Variants in ASCC2 observed in about 807,000 individuals in gnomAD.
The protein encoded by ASCC2 is activating signal cointegrator 1 complex subunit 2.
In ASCC2, 42 loss-of-function variants were observed where a neutral mutation model predicts 93.5. That is an observed-to-expected ratio of 0.45 (90% CI 0.35 to 0.58). The LOEUF is 0.58. ASCC2 is among the 20% of genes least tolerant of loss of function. The pLI, the probability that ASCC2 is intolerant of heterozygous loss-of-function variation, is 0.00. For missense variants in ASCC2, 859 were observed against 977.6 expected (o/e 0.88, Z 1.62); for synonymous variants, 364 against 384.2 (o/e 0.95, Z 0.62).
intron 5 of ASCC2, among the ~76,000 whole-genome samples, chr22:29,819,064 G>A (rs1027576449): frequency 1.3e-5 from 2 of 152,194 alleles, no homozygotes; most frequent in Non-Finnish European, 2.9e-5. Flanking sequence ...AGCTCCTGGA[G>A]GCTCCGCGGT....
At chr22:29,799,582 C>T (rs2058834718) in intron 15 of ASCC2, among the ~76,000 whole-genome samples, 1 of 152,228 alleles carries the variant, frequency 6.6e-6, no homozygotes, top group African/African-American at 2.4e-5. Flanking sequence ...TCCTCCCTCT[C>T]TGAACCTCAC....
intron 2 of ASCC2, chr22:29,826,039 ACT>A (rs1392096467): frequency 1.3e-5 from 5 of 371,322 alleles, no homozygotes; most frequent in African/African-American, 2.1e-5. Flanking sequence ...AGGATACAAA[ACT>A]CTCTGTTTAA....
At chr22:29,794,678 C>T (rs917477806) in intron 15 of ASCC2, among the ~76,000 whole-genome samples, 2 of 152,126 alleles carry the variant, frequency 1.3e-5, no homozygotes, top group African/African-American at 4.8e-5. Context: ...AGTGAAAGAG[C>T]CAAATGAACT....
At position 29,793,599 on chromosome 22, in the gene ASCC2, T is replaced by C; in HGVS notation, c.1766A>G (p.Gln589Arg). ...AVAAQRQRYEQYSVVVEEVPL... is the reference protein window; with the variant it reads ...AVAAQRQRYERYSVVVEEVPL... ...TACCTCCTCCACCACCACGCTGTAC[T>C]GCTCGTAGCGCTGCCGCTGTGCCGC... Residue 589 changes from glutamine to arginine, a missense_variant, in exon 16 of 20, where the codon CAG becomes CGG. Gln to Arg is a conservative substitution (Grantham distance 43). Transcript: ENST00000307790. 6.2e-7 allele frequency: 1 copy of C among 1,611,308 alleles called. No homozygotes were observed. The highest frequency in any genetic ancestry group is 8.5e-7 in the Non-Finnish European group (1 of 1,179,108).
At chr22:29,822,622 C>CTT (rs904304975) in intron 4 of ASCC2, among the ~76,000 whole-genome samples, 158 bp from the exon 5 acceptor site, 2 of 136,680 alleles carry the variant, frequency 1.5e-5, no homozygotes, top group Admixed American at 7.3e-5. Flanking sequence ...TCCCCCCGCC[C>CTT]TTTTTTTTTT....
intron 18 of ASCC2, 82 bp from the exon 19 acceptor site, chr22:29,790,630 A>T: frequency 7.0e-7 from 1 of 1,422,518 alleles, no homozygotes; most frequent in Non-Finnish European, 9.9e-7. Flanking sequence ...GCTCAAGTGA[A>T]GCTTGTCGAT....
At chr22:29,815,798 T>G (rs1264541467) in intron 6 of ASCC2, among the ~76,000 whole-genome samples, 1 of 152,198 alleles carries the variant, frequency 6.6e-6, no homozygotes, top group Non-Finnish European at 1.5e-5. Context: ...CAGCCAGCCC[T>G]TAGGCTTAAG....
chr22:29,813,845 A>G (rs1357054750), intron 7 of ASCC2, among the ~76,000 whole-genome samples: 1 of 152,210 alleles, frequency 6.6e-6, no homozygotes, highest in Non-Finnish European at 1.5e-5. Context: ...AAGGAAAACC[A>G]ACTCTTGAAT....
At chr22:29,809,065 A>C (rs1173505228) in intron 8 of ASCC2, among the ~76,000 whole-genome samples, 1 of 149,806 alleles carries the variant, frequency 6.7e-6, no homozygotes, top group Non-Finnish European at 1.5e-5. Flanking sequence ...GGTTGCAGTG[A>C]GCCAAGATCG....
chr22:29,826,095 T>C (rs1043729880), intron 2 of ASCC2: 7 of 218,000 alleles, frequency 3.2e-5, no homozygotes, highest in Non-Finnish European at 6.4e-5. Context: ...AGGCAAAAGA[T>C]TTATTTGTTA....
chr22:29,804,651 G>A lies in ASCC2; in HGVS notation c.1340C>T (p.Ser447Leu), dbSNP rs769624519. ...TCAGACACATACCTCCTCTTCCTCCGAGTTCTCCGGATGTGATGATGCTTG... is the reference window on the plus strand; with the variant it reads ...TCAGACACATACCTCCTCTTCCTCCAAGTTCTCCGGATGTGATGATGCTTG... ...VSQASSHPENSEEEECMGAAA... is the reference protein window; with the variant it reads ...VSQASSHPENLEEEECMGAAA... The change falls in exon 13 of 20, where the codon TCG (serine) becomes TTG (leucine). Residue 447 changes from serine (S) to leucine (L), a missense_variant. Physicochemically the swap from Ser to Leu is moderately radical, Grantham distance 145. Transcript: ENST00000307790. 6.2e-6 allele frequency: 10 copies of A among 1,613,880 alleles called. No homozygotes were observed. The African/African-American group carries it at 6.7e-5, about 11-fold the overall frequency.
At chr22:29,808,008 C>T in intron 9 of ASCC2, 103 bp downstream of exon 9, 2 of 1,171,428 alleles carry the variant, frequency 1.7e-6, no homozygotes, top group East Asian at 2.4e-5. Context: ...CCTGGTCCCA[C>T]CCACTTGTCT....
intron 9 of ASCC2, among the ~76,000 whole-genome samples, chr22:29,807,703 G>A (rs184174006): frequency 1.8e-4 from 28 of 152,108 alleles, no homozygotes; most frequent in African/African-American, 6.0e-4. Flanking sequence ...AAAAAATGCA[G>A]TTCAAGACCA....
chr22:29,789,254 C>A, intron 19 of ASCC2, 70 bp from the exon 20 acceptor site: 1 of 1,582,426 alleles, frequency 6.3e-7, no homozygotes, highest in Non-Finnish European at 8.7e-7. Flanking sequence ...GAGCCCACAG[C>A]CTGCCTTGGT....
In ASCC2 at chr22:29,811,588, G is replaced by A. The variant is rs532704294; in HGVS notation, c.833+1842C>T. ...GGTGGCTGTATTTGCTCAGCAGGGC[G>A]TTCCTGGCCTCCAGCACAGTTGGAG... is the stretch of plus-strand genomic sequence containing the variant. On this transcript the variant is annotated intron_variant, in intron 8 of 19. Transcript: ENST00000307790. 2.0e-4 allele frequency among the ~76,000 whole-genome samples: 31 copies of A among 152,322 alleles called. No homozygotes were observed. In the South Asian group the frequency reaches 2.3e-3, roughly 11 times the overall value.
At chr22:29,834,291 G>A (rs2063509700) in intron 1 of ASCC2, 1 of 309,294 alleles carries the variant, frequency 3.2e-6, no homozygotes, top group Admixed American at 4.4e-5. Flanking sequence ...TTCTAGAGGA[G>A]AGTCTGAGTA....
At chr22:29,815,879 G>T in intron 6 of ASCC2, 127 bp downstream of exon 6, 1 of 760,108 alleles carries the variant, frequency 1.3e-6, no homozygotes, top group East Asian at 2.7e-5. Context: ...ACTGTCTGGG[G>T]AGATGCGAGA....
chr22:29,831,023 T>C (rs1465719305), intron 2 of ASCC2, among the ~76,000 whole-genome samples: 1 of 152,206 alleles, frequency 6.6e-6, no homozygotes, highest in African/African-American at 2.4e-5. Context: ...CTGCTCTATA[T>C]CTGTGCTGGC....
chr22:29,793,440 C>T lies in ASCC2; in HGVS notation c.1839G>A (p.Glu613=), dbSNP rs779967582. 26 of 1,614,156 alleles carry T rather than the reference C, an allele frequency of 1.6e-5. No individual in the cohort carries two copies. The highest frequency in any genetic ancestry group is 2.2e-5 in the Non-Finnish European group (26 of 1,180,028). ...ESLPYHSVYY[E]DEYDDTYDGN... Reference sequence around the variant, plus strand: ...CATCGTATGTGTCATCGTACTCATCCTCGTAGTAGACACTGTGGTAGGGCA... The same window carrying T: ...CATCGTATGTGTCATCGTACTCATCTTCGTAGTAGACACTGTGGTAGGGCA... The change falls in exon 17 of 20, where the codon GAG becomes GAA. Residue 613 remains glutamate, a synonymous_variant. Transcript: ENST00000307790.
Sources: gnomAD v4.1 joint callset for allele counts (sites outside exome capture counted in the v4.1 genomes callset) on GRCh38, gnomAD v4.1.1 for gene constraint, MANE v1.5 for transcripts, NCBI Gene and HGNC (gene_info 2026-07-23, HGNC 2026-07-21) for gene names.